The following PLEKHA7 variants were observed in gnomAD, a reference collection of about 807,000 sequenced individuals.
PLEKHA7 encodes the protein pleckstrin homology domain-containing family A member 7.
In PLEKHA7, 104 loss-of-function variants were observed where a neutral mutation model predicts 170.0. The observed-to-expected ratio is 0.61, with a 90% CI of 0.52 to 0.72. The LOEUF (loss-of-function observed/expected upper bound fraction) is 0.72. Ranked by LOEUF, PLEKHA7 falls within the 30% of genes least tolerant of loss-of-function variation. The pLI, the probability that PLEKHA7 is intolerant of heterozygous loss-of-function variation, is 0.00. For missense variants in PLEKHA7, 1,615 were observed against 1,671.7 expected (o/e 0.97, Z 0.59); for synonymous variants, 648 against 660.8 (o/e 0.98, Z 0.30).
intron 17 of PLEKHA7, among the ~76,000 whole-genome samples, chr11:16,799,539 C>T (rs1357766661): frequency 6.6e-6 from 1 of 151,656 alleles, no homozygotes; most frequent in African/African-American, 2.4e-5. Context: ...GAATGAAAAG[C>T]TTAAAAAAAT....
chr11:16,795,305 T>C (rs1246903107), intron 17 of PLEKHA7: 1 of 386,114 alleles, frequency 2.6e-6, no homozygotes, highest in South Asian at 3.1e-5. Flanking sequence ...GCTAAAATAC[T>C]GTATGACATA....
At chr11:17,006,754 C>T (rs765025855) in intron 3 of PLEKHA7, among the ~76,000 whole-genome samples, 1 of 152,152 alleles carries the variant, frequency 6.6e-6, no homozygotes, top group Non-Finnish European at 1.5e-5. Flanking sequence ...GGACAGACTC[C>T]TTCCTAGGGG....
intron 3 of PLEKHA7, among the ~76,000 whole-genome samples, chr11:16,937,999 C>G (rs1021321804): frequency 4.6e-5 from 7 of 152,192 alleles, no homozygotes; most frequent in African/African-American, 1.7e-4. Flanking sequence ...AAATGTGCAG[C>G]TCAGCAGAAA....
intron 3 of PLEKHA7, among the ~76,000 whole-genome samples, chr11:16,885,723 G>A (rs1856043852): frequency 6.6e-6 from 1 of 151,806 alleles, no homozygotes; most frequent in Non-Finnish European, 1.5e-5. Flanking sequence ...GCCAGGCACA[G>A]TGGCTCACAT....
intron 3 of PLEKHA7, among the ~76,000 whole-genome samples, chr11:16,873,004 T>C (rs565994379): frequency 2.5e-4 from 38 of 152,318 alleles, no homozygotes; most frequent in Non-Finnish European, 4.7e-4. Context: ...TATATCTCTT[T>C]CAATGTAATT....
At chr11:16,974,464 A>G (rs1474261943) in intron 3 of PLEKHA7, among the ~76,000 whole-genome samples, 1 of 152,142 alleles carries the variant, frequency 6.6e-6, no homozygotes, top group Non-Finnish European at 1.5e-5. Context: ...ATCCTTGCGC[A>G]GGGGCCATGC....
At chr11:16,787,394 T>C (rs969345365) in intron 23 of PLEKHA7, 3 of 165,688 alleles carry the variant, frequency 1.8e-5, no homozygotes, top group Non-Finnish European at 3.5e-5. Flanking sequence ...CACCCATTCA[T>C]GCACAAGCTC....
chr11:16,910,566 C>T (rs1231628741), intron 3 of PLEKHA7, among the ~76,000 whole-genome samples: 1 of 152,242 alleles, frequency 6.6e-6, no homozygotes, highest in Admixed American at 6.5e-5. Context: ...CGGCTTCCCC[C>T]ACTAAAGCAA....
chr11:16,783,636 A>C, intron 25 of PLEKHA7, 64 bp downstream of exon 25: 1 of 1,331,760 alleles, frequency 7.5e-7, no homozygotes, highest in South Asian at 2.0e-5. Flanking sequence ...CCCAGGGCCC[A>C]CATGGTAGAG....
chr11:16,872,715 C>G (rs1248711322), intron 3 of PLEKHA7, among the ~76,000 whole-genome samples: 1 of 152,058 alleles, frequency 6.6e-6, no homozygotes, highest in Non-Finnish European at 1.5e-5. Context: ...GAGATGAGAT[C>G]TCACTATGTT....
chr11:16,959,507 G>C (rs746810232), intron 3 of PLEKHA7, among the ~76,000 whole-genome samples: 5 of 152,138 alleles, frequency 3.3e-5, no homozygotes, highest in Non-Finnish European at 5.9e-5. Flanking sequence ...TCTTTTTTCA[G>C]GTTCAGCACC....
chr11:16,794,972 G>C lies in PLEKHA7; in HGVS notation c.2456C>G (p.Thr819Ser). 1.9e-6 allele frequency: 3 copies of C among 1,614,028 alleles called. No individual in the cohort carries two copies. The highest frequency in any genetic ancestry group is 2.5e-6 in the Non-Finnish European group (3 of 1,179,940). ...CTCTTTATTTGCACTCAGGCCTGCA[G>C]TGACATCTTCAATTCTCCATAGATC... ...QKDLWRIEDV[T>S]AGLSANKENF... Residue 819 changes from threonine to serine, a missense_variant, in exon 18 of 27, where the codon ACT (threonine) becomes AGT (serine). Coordinates refer to ENST00000531066, the MANE Select transcript of PLEKHA7 (RefSeq NM_001329630.2).
Position 16,801,757 on chromosome 11 carries a change from G to A in PLEKHA7, c.2218C>T (p.Pro740Ser), listed in dbSNP as rs756386670. 6.8e-6 allele frequency: 11 copies of A among 1,614,176 alleles called. No individual in the cohort carries two copies. The East Asian group carries it at 2.5e-4, about 36-fold the overall frequency. ...TAGGCAATCTTCTCCAAGTGCTGGG[G>A]CTGGTCTCGGTACTGCTCCATCTGT... The part of the protein sequence containing the change: ...HRQMEQYRDQ[P>S]QHLEKIAYQQ... Residue 740 changes from proline (P) to serine (S), a missense_variant, in exon 16 of 27, where the codon CCC becomes TCC. Coordinates refer to ENST00000531066, the MANE Select transcript of PLEKHA7 (RefSeq NM_001329630.2).
chr11:16,908,271 G>A (rs201238894), intron 3 of PLEKHA7, among the ~76,000 whole-genome samples: 19 of 128,336 alleles, frequency 1.5e-4, no homozygotes, highest in South Asian at 4.9e-4. Flanking sequence ...AAAAAAAAAA[G>A]AAAATTGGAA....
intron 17 of PLEKHA7, among the ~76,000 whole-genome samples, chr11:16,795,740 G>A (rs943111530): frequency 2.6e-5 from 4 of 151,020 alleles, no homozygotes; most frequent in Admixed American, 6.6e-5. Flanking sequence ...AGTGAGCCGA[G>A]ATCATATCAC....
At chr11:16,980,644 C>CA (rs1265319533) in intron 3 of PLEKHA7, among the ~76,000 whole-genome samples, 1 of 152,068 alleles carries the variant, frequency 6.6e-6, no homozygotes, top group African/African-American at 2.4e-5. Context: ...GCAAGATGGC[C>CA]AGGTACAGTG....
At chr11:16,871,423 C>T (rs1420867477) in intron 3 of PLEKHA7, among the ~76,000 whole-genome samples, 1 of 152,118 alleles carries the variant, frequency 6.6e-6, no homozygotes, top group East Asian at 1.9e-4. Context: ...CTAAGGAAGT[C>T]TTGGCTCCAA....
intron 4 of PLEKHA7, among the ~76,000 whole-genome samples, chr11:16,857,011 C>T (rs1486163933): frequency 6.6e-6 from 1 of 152,206 alleles, no homozygotes; most frequent in Admixed American, 6.5e-5. Flanking sequence ...AGGCAGGATG[C>T]AGCTGACGAA....
At chr11:16,956,395 A>C (rs1286337635) in intron 3 of PLEKHA7, among the ~76,000 whole-genome samples, 1 of 152,226 alleles carries the variant, frequency 6.6e-6, no homozygotes, top group Non-Finnish European at 1.5e-5. Flanking sequence ...ATCCCCCAGG[A>C]CAAGTTAACA....
Sources: gnomAD v4.1 joint callset for allele counts (sites outside exome capture counted in the v4.1 genomes callset) on GRCh38, gnomAD v4.1.1 for gene constraint, MANE v1.5 for transcripts, NCBI Gene and HGNC (gene_info 2026-07-23, HGNC 2026-07-21) for gene names.